Variants in CNTN4 observed in about 807,000 individuals in gnomAD.
CNTN4 encodes the protein contactin 4.
A neutral mutation model predicts 122.5 loss-of-function variants in CNTN4; 77 were observed. That is an observed-to-expected ratio of 0.63 (90% confidence interval 0.52 to 0.76). The LOEUF (loss-of-function observed/expected upper bound fraction) is 0.76, where lower values mean the gene tolerates loss of function less well. Among genes scored for constraint, CNTN4 ranks in the 30% least tolerant of loss-of-function variants. The pLI, the probability that CNTN4 is intolerant of heterozygous loss-of-function variation, is 0.00. For missense variants in CNTN4, 1,256 were observed against 1,259.1 expected (o/e 1.00, Z 0.04); for synonymous variants, 512 against 447.0 (o/e 1.15, Z -1.83).
At chr3:2,216,384 T>G (rs1342982092) in intron 2 of CNTN4, among the ~76,000 whole-genome samples, 2 of 152,114 alleles carry the variant, frequency 1.3e-5, no homozygotes, top group African/African-American at 4.8e-5. Context: ...TGAGGTCTAC[T>G]TGAGGGTGGA....
intron 4 of CNTN4, among the ~76,000 whole-genome samples, chr3:2,714,693 G>A (rs888870360): frequency 2.0e-5 from 3 of 152,264 alleles, no homozygotes; most frequent in African/African-American, 7.2e-5. Context: ...GTTCATTCCC[G>A]TCGGGGTTGG....
intron 4 of CNTN4, among the ~76,000 whole-genome samples, chr3:2,588,985 G>A (rs1486786523): frequency 1.3e-5 from 2 of 152,130 alleles, no homozygotes; most frequent in Non-Finnish European, 2.9e-5. Context: ...GGGCTAAGAT[G>A]TAATAATACT....
At chr3:2,982,532 T>G (rs1450449303) in intron 13 of CNTN4, among the ~76,000 whole-genome samples, 3 of 152,220 alleles carry the variant, frequency 2.0e-5, no homozygotes, top group Admixed American at 2.0e-4. Flanking sequence ...ATGGCTTCCT[T>G]AAGGCATGCT....
At chr3:2,139,729 A>C (rs2034897589) in intron 2 of CNTN4, among the ~76,000 whole-genome samples, 1 of 152,112 alleles carries the variant, frequency 6.6e-6, no homozygotes, top group Non-Finnish European at 1.5e-5. Flanking sequence ...TGTTTCCAGA[A>C]CCAAGGGCCT....
At chr3:2,643,981 C>G (rs1026027948) in intron 4 of CNTN4, among the ~76,000 whole-genome samples, 2 of 152,172 alleles carry the variant, frequency 1.3e-5, no homozygotes, top group Admixed American at 6.5e-5. Flanking sequence ...TTCCATTTTA[C>G]TCAGATTAAG....
At chr3:2,408,966 G>A (rs1428361631) in intron 3 of CNTN4, among the ~76,000 whole-genome samples, 1 of 152,026 alleles carries the variant, frequency 6.6e-6, no homozygotes, top group Non-Finnish European at 1.5e-5. Context: ...TGCACTTGTA[G>A]GCAGTTTTTG....
intron 4 of CNTN4, among the ~76,000 whole-genome samples, chr3:2,723,416 T>A (rs2087990580): frequency 6.6e-6 from 1 of 152,136 alleles, no homozygotes; most frequent in African/African-American, 2.4e-5. Context: ...GAACAGAAAT[T>A]TATTTCTCAC....
intron 6 of CNTN4, among the ~76,000 whole-genome samples, chr3:2,818,863 T>C (rs550471584): frequency 6.6e-6 from 1 of 152,360 alleles, no homozygotes; most frequent in East Asian, 1.9e-4. Context: ...ATTGTGTGTC[T>C]GTATATATGT....
chr3:2,305,814 C>T (rs1304816008), intron 2 of CNTN4, among the ~76,000 whole-genome samples: 1 of 152,148 alleles, frequency 6.6e-6, no homozygotes, highest in Non-Finnish European at 1.5e-5. Context: ...CAACTCCTAA[C>T]AACCACCAAT....
chr3:2,171,255 C>G lies in CNTN4; in HGVS notation c.-145+70616C>G, dbSNP rs2036493586. On this transcript the variant is annotated intron_variant, in intron 2 of 24. Coordinates refer to ENST00000418658, the MANE Select transcript of CNTN4 (RefSeq NM_175607.3). ...GCTCTTACCAAAAATGTTAAAATAA[C>G]TTTAAATAATGATAAGGTGGGTCTA... is the stretch of plus-strand genomic sequence containing the variant. 2.0e-5 allele frequency among the ~76,000 whole-genome samples: 3 copies of G among 152,038 alleles called. No homozygotes were observed. The South Asian group carries it at 6.2e-4, about 32-fold the overall frequency.
chr3:2,689,762 C>T (rs1077309), intron 4 of CNTN4, among the ~76,000 whole-genome samples: 12,438 of 152,070 alleles, frequency 0.082, 560 homozygotes, highest in South Asian at 0.16. Context: ...CAGTTTCCCC[C>T]ACCTCCTCTC....
chr3:2,654,235 T>C lies in CNTN4; in HGVS notation c.56-81980T>C, dbSNP rs560905989. ...AGAGTTTTTTTGACCACCTTGGCAA[T>C]GGCCAGTTGTTTCTTTCCATGGCCA... On this transcript the variant is annotated intron_variant, in intron 4 of 24. Coordinates refer to ENST00000418658, the MANE Select transcript of CNTN4 (RefSeq NM_175607.3). 3.9e-5 allele frequency among the ~76,000 whole-genome samples: 6 copies of C among 152,354 alleles called. No homozygotes were observed. The East Asian group carries it at 1.2e-3, about 29-fold the overall frequency.
intron 2 of CNTN4, among the ~76,000 whole-genome samples, chr3:2,335,557 A>C (rs1301302624): frequency 6.7e-6 from 1 of 148,982 alleles, no homozygotes; most frequent in Non-Finnish European, 1.5e-5. Flanking sequence ...AAGCAGCACA[A>C]AAGCGGCCCA....
chr3:2,428,204 T>C (rs190808907), intron 3 of CNTN4, among the ~76,000 whole-genome samples: 277 of 152,350 alleles, frequency 1.8e-3, no homozygotes, highest in African/African-American at 6.2e-3. Flanking sequence ...TTGCAGTGGC[T>C]GGTACCGGTT....
rs148247838 is a variant in CNTN4, at chr3:2,776,843, C to A, written c.358+31146C>A. ...TGTGGGCTAAATGGAAACAGACATACCCCCTTCATTCAAACATCTTATGTA... is the reference window on the plus strand; with the variant it reads ...TGTGGGCTAAATGGAAACAGACATAACCCCTTCATTCAAACATCTTATGTA... On this transcript the variant is annotated intron_variant, in intron 6 of 24. Coordinates refer to ENST00000418658, the MANE Select transcript of CNTN4 (RefSeq NM_175607.3). Among the ~76,000 whole-genome samples the A allele has an allele frequency of 2.6e-5, 4 of 152,266 alleles. No homozygotes were observed. The South Asian group carries it at 8.3e-4, about 32-fold the overall frequency.
At chr3:3,024,416 A>G (rs369206600) in intron 14 of CNTN4, among the ~76,000 whole-genome samples, 28 of 146,028 alleles carry the variant, frequency 1.9e-4, no homozygotes, top group African/African-American at 6.3e-4. Context: ...AAACAACTTC[A>G]TCACTATCTA....
intron 4 of CNTN4, among the ~76,000 whole-genome samples, chr3:2,599,526 G>A (rs137903344): frequency 7.2e-4 from 110 of 152,274 alleles, no homozygotes; most frequent in Non-Finnish European, 1.2e-3. Context: ...TGAGTAACAA[G>A]TCCCATGTGT....
At chr3:2,145,374 C>T (rs1156532726) in intron 2 of CNTN4, among the ~76,000 whole-genome samples, 4 of 152,156 alleles carry the variant, frequency 2.6e-5, no homozygotes, top group African/African-American at 9.7e-5. Flanking sequence ...GCAACTCTGG[C>T]CTTGTCACAT....
At chr3:2,252,688 C>A (rs764949304) in intron 2 of CNTN4, among the ~76,000 whole-genome samples, 4 of 152,014 alleles carry the variant, frequency 2.6e-5, no homozygotes, top group Non-Finnish European at 5.9e-5. Context: ...AACTCACACA[C>A]TAAGAAAGGT....
Sources: allele counts gnomAD v4.1 joint callset (sites outside exome capture counted in the v4.1 genomes callset), GRCh38; gene constraint gnomAD v4.1.1; transcripts MANE v1.5; gene names NCBI Gene and HGNC (gene_info 2026-07-23, HGNC 2026-07-21).